Variants in GRM5 observed in about 807,000 individuals in gnomAD.
GRM5 encodes metabotropic glutamate receptor 5.
A neutral mutation model predicts 83.1 loss-of-function variants in GRM5; 19 were observed. The ratio of observed to expected loss-of-function variants is 0.23; its 90% CI spans 0.16 to 0.34. The LOEUF (loss-of-function observed/expected upper bound fraction) is 0.34, where lower values mean the gene tolerates loss of function less well. GRM5 is among the 10% of genes least tolerant of loss of function. The pLI is 1.00. For synonymous variants in GRM5, 675 were observed against 633.6 expected, an observed-to-expected ratio of 1.07 and a Z score of -0.98; for missense variants, 1,160 against 1,588.3, an observed-to-expected ratio of 0.73 and a Z score of 4.58.
intron 2 of GRM5, among the ~76,000 whole-genome samples, chr11:88,952,549 T>C (rs1938496750): frequency 6.6e-6 from 1 of 152,128 alleles, no homozygotes; most frequent in Non-Finnish European, 1.5e-5. Flanking sequence ...GAAAAATTTC[T>C]ACCATTAACT....
chr11:88,738,097 A>G (rs1941956855), intron 3 of GRM5, among the ~76,000 whole-genome samples: 1 of 152,050 alleles, frequency 6.6e-6, no homozygotes, highest in Non-Finnish European at 1.5e-5. Context: ...GTCTGGCTAA[A>G]TGATTGAAAT....
rs1312565368 is a variant in GRM5 at position 88,985,882 on chromosome 11, A to G, written c.661+61330T>C. On this transcript the variant is annotated intron_variant, in intron 2 of 9. Coordinates refer to ENST00000305447, the MANE Select transcript of GRM5 (RefSeq NM_001143831.3). ...TAGTGTGTCTAAAATGCAAAATTAC[A>G]ATATCAATCATTTATATATTGCTGA... Among the ~76,000 whole-genome samples the G allele has an allele frequency of 3.3e-5, 5 of 152,270 alleles. No individual in the cohort carries two copies. In the East Asian group the frequency reaches 9.6e-4, roughly 29 times the overall value.
chr11:88,510,838 C>T (rs575667910), intron 9 of GRM5, among the ~76,000 whole-genome samples: 1 of 152,286 alleles, frequency 6.6e-6, no homozygotes, highest in East Asian at 1.9e-4. Flanking sequence ...TGAAGAGATT[C>T]TGGTGTAGTT....
intron 7 of GRM5, among the ~76,000 whole-genome samples, chr11:88,589,521 T>A (rs185828012): frequency 5.3e-4 from 80 of 152,308 alleles, no homozygotes; most frequent in African/African-American, 1.8e-3. Context: ...CCAGACTTTT[T>A]AAATAAGTGA....
intron 2 of GRM5, among the ~76,000 whole-genome samples, chr11:89,046,500 A>G (rs187920005): frequency 6.6e-6 from 1 of 152,302 alleles, no homozygotes; most frequent in African/African-American, 2.4e-5. Context: ...TTAAAACACC[A>G]TAAAAAACAA....
At chr11:88,600,295 C>A (rs968142121) in intron 5 of GRM5, among the ~76,000 whole-genome samples, 1 of 145,994 alleles carries the variant, frequency 6.8e-6, no homozygotes, top group Non-Finnish European at 1.5e-5. Flanking sequence ...TCTCCCCCAC[C>A]CCTTCCCCCT....
At chr11:88,867,441 A>T (rs185599502) in intron 2 of GRM5, among the ~76,000 whole-genome samples, 107 of 151,912 alleles carry the variant, frequency 7.0e-4, no homozygotes, top group Middle Eastern at 3.4e-3. Flanking sequence ...TAGGCTGTTC[A>T]GTTTTAGGAT....
intron 3 of GRM5, among the ~76,000 whole-genome samples, chr11:88,800,163 T>C (rs1943360928): frequency 6.6e-6 from 1 of 152,170 alleles, no homozygotes; most frequent in Admixed American, 6.5e-5. Flanking sequence ...AGCTTGATTC[T>C]TTCATTTCAC....
chr11:88,646,907 C>A (rs67736148), intron 4 of GRM5, among the ~76,000 whole-genome samples: 100,168 of 146,730 alleles, frequency 0.68, 39,915 homozygotes, highest in Non-Finnish European at 0.9. Flanking sequence ...AAAAAAAAAA[C>A]ACCACAAATT....
intron 2 of GRM5, among the ~76,000 whole-genome samples, chr11:88,920,333 T>A (rs1165902694): frequency 4.7e-5 from 7 of 149,268 alleles, no homozygotes; most frequent in African/African-American, 1.7e-4. Flanking sequence ...ATTACCAGTA[T>A]CAAATGATGA....
chr11:88,912,304 T>C (rs1411364967), intron 2 of GRM5, among the ~76,000 whole-genome samples: 1 of 151,820 alleles, frequency 6.6e-6, no homozygotes, highest in Non-Finnish European at 1.5e-5. Flanking sequence ...TTGATGTTTG[T>C]TACTTTCTTA....
chr11:88,575,209 G>A (rs1224001063), intron 7 of GRM5, among the ~76,000 whole-genome samples: 1 of 151,848 alleles, frequency 6.6e-6, no homozygotes, highest in Non-Finnish European at 1.5e-5. Flanking sequence ...CTTTATGTCA[G>A]TATCAAAAGA....
chr11:89,005,623 T>A (rs1178101075), intron 2 of GRM5, among the ~76,000 whole-genome samples: 27 of 152,222 alleles, frequency 1.8e-4, no homozygotes, highest in Admixed American at 1.5e-3. Flanking sequence ...ATATATCTAT[T>A]TTTAGAGATT....
At chr11:89,043,573 A>T (rs1421009788) in intron 2 of GRM5, among the ~76,000 whole-genome samples, 46 of 140,044 alleles carry the variant, frequency 3.3e-4, no homozygotes, top group African/African-American at 1.2e-3. Context: ...AATGCATGTT[A>T]TTTTTTTTTT....
chr11:88,684,878 G>A (rs1940580445), intron 3 of GRM5, among the ~76,000 whole-genome samples: 1 of 152,210 alleles, frequency 6.6e-6, no homozygotes, highest in African/African-American at 2.4e-5. Flanking sequence ...GGCCTTGCCA[G>A]CCACATGGAA....
At chr11:89,059,182 T>A (rs1412433780) in intron 1 of GRM5, among the ~76,000 whole-genome samples, 1 of 152,128 alleles carries the variant, frequency 6.6e-6, no homozygotes, top group Non-Finnish European at 1.5e-5. Context: ...CAACTAATCA[T>A]TAGAGAATTT....
At chr11:88,528,785 G>A (rs1200893716) in intron 8 of GRM5, among the ~76,000 whole-genome samples, 1 of 151,966 alleles carries the variant, frequency 6.6e-6, no homozygotes, top group Admixed American at 6.6e-5. Context: ...GCTGTTTGCT[G>A]TACACTATTG....
chr11:89,038,450 C>T (rs1941447153), intron 2 of GRM5, among the ~76,000 whole-genome samples: 1 of 152,124 alleles, frequency 6.6e-6, no homozygotes, highest in South Asian at 2.1e-4. Flanking sequence ...TACCATATTG[C>T]TTCCTGCTAT....
chr11:88,526,833 A>G (rs1031175264), intron 8 of GRM5, among the ~76,000 whole-genome samples: 5 of 152,262 alleles, frequency 3.3e-5, no homozygotes, highest in Non-Finnish European at 5.9e-5. Flanking sequence ...AACGGACATT[A>G]GTTGAGCATT....
Sources: allele counts gnomAD v4.1 joint callset (sites outside exome capture counted in the v4.1 genomes callset), GRCh38; gene constraint gnomAD v4.1.1; transcripts MANE v1.5; gene names NCBI Gene and HGNC (gene_info 2026-07-23, HGNC 2026-07-21).